GABRB1: variants seen among roughly 807,000 people sequenced by gnomAD.
GABRB1 encodes the protein gamma-aminobutyric acid type A receptor subunit beta1, also known as gamma-aminobutyric acid receptor subunit beta-1.
GABRB1 carries 17 observed loss-of-function variants against 51.6 expected under a neutral mutation model. The ratio of observed to expected loss-of-function variants is 0.33; its 90% confidence interval spans 0.23 to 0.49. The LOEUF is 0.49. Among genes scored for constraint, GABRB1 ranks in the 20% least tolerant of loss-of-function variants. The probability of loss-of-function intolerance (pLI) is 0.99; values close to 1 mark genes in which losing one functional copy is unlikely to be tolerated. For synonymous variants in GABRB1, 247 were observed against 218.9 expected, an observed-to-expected ratio of 1.13 and a Z score of -1.14; for missense variants, 410 against 600.6, an observed-to-expected ratio of 0.68 and a Z score of 3.32.
At chr4:47,384,777 T>C (rs957255014) in intron 5 of GABRB1, among the ~76,000 whole-genome samples, 4 of 152,138 alleles carry the variant, frequency 2.6e-5, no homozygotes, top group Admixed American at 6.6e-5. Context: ...CTTCAGAAAA[T>C]AAAGGCATAT....
intron 5 of GABRB1, among the ~76,000 whole-genome samples, chr4:47,363,449 T>C (rs898589042): frequency 1.3e-5 from 2 of 152,088 alleles, no homozygotes; most frequent in African/African-American, 4.8e-5. Flanking sequence ...CTCTTACTTT[T>C]GGGTTTTCTC....
intron 4 of GABRB1, among the ~76,000 whole-genome samples, chr4:47,179,983 A>T (rs907016324): frequency 6.6e-6 from 1 of 152,152 alleles, no homozygotes; most frequent in Non-Finnish European, 1.5e-5. Flanking sequence ...AGGCAGTAGA[A>T]TTGCTTGAGC....
chr4:47,393,080 T>C (rs1255288982), intron 5 of GABRB1, among the ~76,000 whole-genome samples: 1 of 152,228 alleles, frequency 6.6e-6, no homozygotes, highest in Non-Finnish European at 1.5e-5. Context: ...GTGCAGATCA[T>C]AACTCATGGA....
At chr4:47,300,031 A>G (rs1244437441) in intron 4 of GABRB1, among the ~76,000 whole-genome samples, 8 of 143,780 alleles carry the variant, frequency 5.6e-5, no homozygotes, top group Admixed American at 3.7e-4. Flanking sequence ...ATAGGTGGGA[A>G]TTGAACAATG....
intron 3 of GABRB1, 56 bp downstream of exon 3, chr4:47,032,540 A>G (rs1280459457): frequency 6.6e-7 from 1 of 1,518,596 alleles, no homozygotes; most frequent in African/African-American, 1.4e-5. Flanking sequence ...GGAAATGGAC[A>G]GGTCCCTTTG....
At chr4:47,399,033 G>A (rs1156696959) in intron 5 of GABRB1, among the ~76,000 whole-genome samples, 2 of 152,226 alleles carry the variant, frequency 1.3e-5, no homozygotes, top group African/African-American at 2.4e-5. Flanking sequence ...CTCGTGATCC[G>A]CCCACCTTGG....
chr4:47,152,660 G>A (rs1293085872), intron 3 of GABRB1, among the ~76,000 whole-genome samples: 2 of 151,790 alleles, frequency 1.3e-5, no homozygotes, highest in Non-Finnish European at 2.9e-5. Context: ...CTATGTGCAT[G>A]CGCCACTGAC....
intron 4 of GABRB1, among the ~76,000 whole-genome samples, chr4:47,231,049 G>A (rs1012917858): frequency 6.6e-6 from 1 of 152,106 alleles, no homozygotes; most frequent in African/African-American, 2.4e-5. Context: ...GAAATCCTGG[G>A]GCTAGGGATA....
chr4:47,326,411 T>C (rs936950138), intron 5 of GABRB1, among the ~76,000 whole-genome samples: 1 of 152,234 alleles, frequency 6.6e-6, no homozygotes, highest in African/African-American at 2.4e-5. Context: ...AGAGATCACA[T>C]TCATGTAACT....
At chr4:47,142,660 G>A (rs1052740593) in intron 3 of GABRB1, among the ~76,000 whole-genome samples, 3 of 152,004 alleles carry the variant, frequency 2.0e-5, no homozygotes, top group South Asian at 2.1e-4. Flanking sequence ...AGAGTACATC[G>A]TGGCCTTAAC....
intron 5 of GABRB1, among the ~76,000 whole-genome samples, chr4:47,393,629 T>C (rs114046017): frequency 6.6e-6 from 1 of 152,344 alleles, no homozygotes; most frequent in Non-Finnish European, 1.5e-5. Context: ...ATTGAGTAAA[T>C]TTCATGAAGT....
intron 1 of GABRB1, among the ~76,000 whole-genome samples, chr4:47,008,629 ATTT>A (rs71193894): frequency 1.7e-5 from 2 of 117,480 alleles, no homozygotes; most frequent in Non-Finnish European, 3.5e-5. Context: ...CACCCAGCTA[ATTT>A]TTTTTTTTTT....
At chr4:47,061,149 G>T (rs896004681) in intron 3 of GABRB1, among the ~76,000 whole-genome samples, 3 of 152,044 alleles carry the variant, frequency 2.0e-5, no homozygotes, top group Admixed American at 6.6e-5. Flanking sequence ...TTTCTCTTTG[G>T]TTTGGAAATC....
chr4:47,068,448 C>T (rs1275143977), intron 3 of GABRB1, among the ~76,000 whole-genome samples: 1 of 152,198 alleles, frequency 6.6e-6, no homozygotes, highest in East Asian at 1.9e-4. Context: ...TAAGCTTAAT[C>T]ATTTCTAACT....
chr4:47,093,315 T>C (rs1043164018), intron 3 of GABRB1, among the ~76,000 whole-genome samples: 1 of 152,230 alleles, frequency 6.6e-6, no homozygotes, highest in Non-Finnish European at 1.5e-5. Flanking sequence ...GCTTCTTCCA[T>C]AAGATAAAGT....
intron 5 of GABRB1, among the ~76,000 whole-genome samples, chr4:47,332,280 G>A (rs936364156): frequency 1.3e-5 from 2 of 152,200 alleles, no homozygotes; most frequent in African/African-American, 2.4e-5. Context: ...AATCACATCA[G>A]TGTGGTGCTG....
intron 3 of GABRB1, among the ~76,000 whole-genome samples, chr4:47,089,090 T>A (rs1380410034): frequency 2.0e-5 from 3 of 152,184 alleles, no homozygotes; most frequent in Non-Finnish European, 2.9e-5. Context: ...GAAGCACAAA[T>A]AAATTTTTAT....
At chr4:47,170,380 T>TACAC (rs10555441) in intron 4 of GABRB1, among the ~76,000 whole-genome samples, 2 of 148,914 alleles carry the variant, frequency 1.3e-5, no homozygotes, top group Non-Finnish European at 3.0e-5. Context: ...ACAGATCCAC[T>TACAC]ACACACACAC....
At chr4:47,044,097 A>C (rs1328904548) in intron 3 of GABRB1, among the ~76,000 whole-genome samples, 1 of 152,112 alleles carries the variant, frequency 6.6e-6, no homozygotes, top group Admixed American at 6.6e-5. Context: ...TGTTGCCTAC[A>C]CTGATCTTCT....
Sources: gnomAD v4.1 joint callset for allele counts (sites outside exome capture counted in the v4.1 genomes callset) on GRCh38, gnomAD v4.1.1 for gene constraint, MANE v1.5 for transcripts, NCBI Gene and HGNC (gene_info 2026-07-23, HGNC 2026-07-21) for gene names.